IL13RA1: variants seen among roughly 807,000 people sequenced by gnomAD.
The protein encoded by IL13RA1 is interleukin 13 receptor subunit alpha 1, also known as interleukin-13 receptor subunit alpha-1.
IL13RA1 carries 14 observed loss-of-function variants against 33.8 expected under a neutral mutation model. That is an observed-to-expected ratio of 0.41 (90% CI 0.27 to 0.65). The LOEUF is 0.65. IL13RA1 is among the 30% of genes least tolerant of loss of function. IL13RA1 has a pLI of 0.28. For missense variants in IL13RA1, 313 were observed against 327.0 expected (o/e 0.96, Z 0.33); for synonymous variants, 116 against 115.7 (o/e 1.00, Z -0.02).
intron 8 of IL13RA1, among the ~76,000 whole-genome samples, chrX:118,767,590 A>G (rs1244717827): frequency 4.5e-5 from 5 of 111,580 alleles, no homozygotes; most frequent in Admixed American, 2.9e-4. Context: ...ACATTGTACA[A>G]TACTAGAGAC....
chrX:118,766,131 A>T (rs778436851), intron 6 of IL13RA1, among the ~76,000 whole-genome samples: 1 of 112,308 alleles, frequency 8.9e-6, no homozygotes, highest in African/African-American at 3.2e-5. Flanking sequence ...TGACTTTATT[A>T]AAAAATTCTC....
At chrX:118,770,151 A>G (rs2017696654) in intron 8 of IL13RA1, 1 of 268,653 alleles carries the variant, frequency 3.7e-6, no homozygotes, top group Non-Finnish European at 7.1e-6. Flanking sequence ...TACCAAAACA[A>G]CCGGCGGTAT....
At chrX:118,774,691 T>C (rs1230603937) in intron 9 of IL13RA1, among the ~76,000 whole-genome samples, 1 of 112,311 alleles carries the variant, frequency 8.9e-6, no homozygotes, top group Admixed American at 9.4e-5. Context: ...TACTTAATAT[T>C]GTGGGAAAGA....
In IL13RA1 at chrX:118,786,047, G is replaced by A. The variant is rs187429227; in HGVS notation, c.1192-5715G>A. On this transcript the variant is annotated intron_variant, in intron 10 of 10. Coordinates refer to ENST00000371666, the MANE Select transcript of IL13RA1 (RefSeq NM_001560.3). ...TTTTCATCTATTTTGTGGATATATC[G>A]TTCTGTTATGTTTTAATTCTGTAAG... Among the ~76,000 whole-genome samples, 1,061 of 111,017 alleles carry A rather than the reference G, an allele frequency of 9.6e-3. 9 individuals carry two copies. The highest frequency in any genetic ancestry group is 0.022 in the Admixed American group (233 of 10,408).
chrX:118,767,472 C>T (rs1168283398), intron 8 of IL13RA1, among the ~76,000 whole-genome samples: 1 of 110,269 alleles, frequency 9.1e-6, no homozygotes, highest in African/African-American at 3.3e-5. Context: ...GCCTGGGAGG[C>T]GGAGGTTACA....
intron 3 of IL13RA1, among the ~76,000 whole-genome samples, chrX:118,748,219 C>T (rs1404649822): frequency 9.7e-6 from 1 of 103,419 alleles, no homozygotes; most frequent in Non-Finnish European, 2.0e-5. Context: ...CTCTATGTGC[C>T]CTTTGCTCTA....
At chrX:118,770,353 C>T in intron 8 of IL13RA1, 1 of 365,396 alleles carries the variant, frequency 2.7e-6, no homozygotes, top group Non-Finnish European at 5.2e-6. Flanking sequence ...CGCGCTACCG[C>T]ACTGCACCTG....
chrX:118,743,090 A>T (rs1173849970), intron 2 of IL13RA1, among the ~76,000 whole-genome samples: 2 of 111,875 alleles, frequency 1.8e-5, no homozygotes, highest in Non-Finnish European at 3.8e-5. Context: ...TCAGTCCTAC[A>T]TTTGTGATGA....
chrX:118,752,205 C>A (rs745816773), intron 4 of IL13RA1, among the ~76,000 whole-genome samples: 1 of 111,416 alleles, frequency 9.0e-6, no homozygotes, highest in South Asian at 3.8e-4. Flanking sequence ...AACTCTCCAG[C>A]ATGACAGACA....
At chrX:118,772,194 G>A (rs1732680925) in intron 8 of IL13RA1, among the ~76,000 whole-genome samples, 1 of 112,622 alleles carries the variant, frequency 8.9e-6, no homozygotes, top group African/African-American at 3.2e-5. Flanking sequence ...GGATCTTTGA[G>A]GGAAAGTAAT....
chrX:118,740,960 C>T, intron 1 of IL13RA1, 57 bp from the exon 2 acceptor site: 1 of 803,074 alleles, frequency 1.2e-6, no homozygotes, highest in African/African-American at 2.0e-5. Context: ...GAGAATTAAG[C>T]AAACCATTAA....
chrX:118,779,693 G>A (rs914528484), intron 10 of IL13RA1, among the ~76,000 whole-genome samples: 1 of 111,806 alleles, frequency 8.9e-6, no homozygotes, highest in African/African-American at 3.3e-5. Flanking sequence ...AAATACTGTA[G>A]TCATCCAGGT....
intron 2 of IL13RA1, among the ~76,000 whole-genome samples, chrX:118,741,384 A>C (rs1240966801): frequency 8.9e-6 from 1 of 112,480 alleles, no homozygotes; most frequent in Non-Finnish European, 1.9e-5. Flanking sequence ...CTGACAGGAA[A>C]TACTAGATAT....
At chrX:118,799,240 C>T (rs1047767474), downstream of IL13RA1, among the ~76,000 whole-genome samples, 3 of 113,254 alleles carry the variant, frequency 2.6e-5, no homozygotes, top group African/African-American at 9.6e-5. Flanking sequence ...AGCCTCCCAC[C>T]CACTCCATGG....
intron 10 of IL13RA1, among the ~76,000 whole-genome samples, chrX:118,787,897 CT>C (rs1248108032): frequency 9.0e-6 from 1 of 111,705 alleles, no homozygotes; most frequent in Non-Finnish European, 1.9e-5. Flanking sequence ...AACACACATG[CT>C]TTATGAACAA....
chrX:118,767,919 C>G (rs959103403), intron 8 of IL13RA1, among the ~76,000 whole-genome samples: 6 of 112,026 alleles, frequency 5.4e-5, no homozygotes, highest in Non-Finnish European at 1.1e-4. Context: ...GTGCAGTATT[C>G]CATTCTGAGC....
the IL13RA1 span, among the ~76,000 whole-genome samples, chrX:118,801,574 T>C: frequency 1.8e-5 from 2 of 112,356 alleles, no homozygotes; most frequent in African/African-American, 3.2e-5. Flanking sequence ...TGGTTCTGCT[T>C]TTTGGGAGAT....
At chrX:118,740,606 AGT>A (rs1176857984) in intron 1 of IL13RA1, among the ~76,000 whole-genome samples, 2 of 111,805 alleles carry the variant, frequency 1.8e-5, no homozygotes, top group Admixed American at 9.5e-5. Flanking sequence ...CAGCCTGGCC[AGT>A]GTGGCAAAAA....
In IL13RA1 at chrX:118,791,973, A is replaced by AG. The variant is rs1413009028; in HGVS notation, c.*120dup. On this transcript the variant is annotated 3_prime_UTR_variant, in exon 11 of 11. Transcript: ENST00000371666. The stretch of plus-strand genomic sequence containing the variant: ...ACTACTGCACCATTTAAAAACAGGC[A>AG]GCTCATAAGAGCCACAGGTCTTTAT... The AG allele has an allele frequency of 7.8e-6, 3 of 382,817 alleles. No individual in the cohort carries two copies. The African/African-American group carries it at 7.8e-5, about 10-fold the overall frequency. 31.5% of individuals were successfully genotyped at this position (382,817 alleles called of 1,213,427 possible).
Sources: allele counts gnomAD v4.1 joint callset (sites outside exome capture counted in the v4.1 genomes callset), GRCh38; gene constraint gnomAD v4.1.1; transcripts MANE v1.5; gene names NCBI Gene and HGNC (gene_info 2026-07-23, HGNC 2026-07-21).